TNKS: variants seen among roughly 807,000 people sequenced by gnomAD.
The protein encoded by TNKS is poly [ADP-ribose] polymerase tankyrase-1.
Under a neutral mutation model 135.8 loss-of-function variants are expected in TNKS, and 72 were observed. That is an observed-to-expected ratio of 0.53 (90% CI 0.44 to 0.64). The LOEUF (loss-of-function observed/expected upper bound fraction) is 0.64, where lower values mean the gene tolerates loss of function less well. Ranked by LOEUF, TNKS falls within the 30% of genes least tolerant of loss-of-function variation. The pLI, the probability that TNKS is intolerant of heterozygous loss-of-function variation, is 0.00. For synonymous variants in TNKS, 849 were observed against 649.3 expected, an observed-to-expected ratio of 1.31 and a Z score of -4.68; for missense variants, 1,769 against 1,674.0, an observed-to-expected ratio of 1.06 and a Z score of -0.99.
chr8:9,644,083 G>A (rs990175604), intron 3 of TNKS, among the ~76,000 whole-genome samples: 1 of 152,152 alleles, frequency 6.6e-6, no homozygotes, highest in African/African-American at 2.4e-5. Context: ...CTCAGAGACA[G>A]AAAGTAAACT....
At chr8:9,615,512 A>C in intron 2 of TNKS, 70 bp from the exon 3 acceptor site, 1 of 1,304,370 alleles carries the variant, frequency 7.7e-7, no homozygotes, top group Non-Finnish European at 1.1e-6. Context: ...CACCATGCCG[A>C]GACGACACTT....
intron 13 of TNKS, among the ~76,000 whole-genome samples, chr8:9,728,178 A>G (rs1805253339): frequency 1.3e-5 from 2 of 152,162 alleles, no homozygotes; most frequent in Admixed American, 6.5e-5. Context: ...GGCCTAATTT[A>G]TTTTGATCTG....
intron 3 of TNKS, among the ~76,000 whole-genome samples, chr8:9,674,456 GA>G (rs1802448063): frequency 6.6e-6 from 1 of 152,154 alleles, no homozygotes; most frequent in African/African-American, 2.4e-5. Flanking sequence ...AAAGAATATG[GA>G]AAATGGTTAT....
intron 3 of TNKS, among the ~76,000 whole-genome samples, chr8:9,625,253 G>A (rs535175463): frequency 6.6e-6 from 1 of 151,638 alleles, no homozygotes; most frequent in African/African-American, 2.4e-5. Flanking sequence ...GTGCCTGCAG[G>A]GTCTGTAGTA....
intron 3 of TNKS, among the ~76,000 whole-genome samples, chr8:9,674,844 T>C (rs1240267138): frequency 6.6e-6 from 1 of 152,202 alleles, no homozygotes; most frequent in Non-Finnish European, 1.5e-5. Flanking sequence ...CAACTGTGTT[T>C]AGAATGGATG....
chr8:9,777,057 T>C lies in TNKS; in HGVS notation c.*321T>C, dbSNP rs185036568. ...TGGAAAATAAGAAAACCAATGCTTT[T>C]TCAAATGTTCACAATTCACACACTA... On this transcript the variant is annotated 3_prime_UTR_variant, in exon 27 of 27. Coordinates refer to ENST00000310430, the MANE Select transcript of TNKS (RefSeq NM_003747.3). 1 of 299,074 alleles carries C rather than the reference T, an allele frequency of 3.3e-6. No homozygotes were observed. The highest frequency in any genetic ancestry group is 4.7e-5 in the Admixed American group (1 of 21,280). The allele number at this position is 299,074 out of a possible 1,614,324, so 18.5% of individuals were successfully genotyped here.
intron 3 of TNKS, among the ~76,000 whole-genome samples, chr8:9,618,755 G>A (rs927464989): frequency 3.8e-4 from 58 of 152,218 alleles, no homozygotes; most frequent in African/African-American, 1.4e-3. Context: ...GGAAAAGGAT[G>A]AAAAAGAAAA....
At chr8:9,556,792 TG>T (rs967970137) in intron 1 of TNKS, 180 bp downstream of exon 1, 30 of 375,994 alleles carry the variant, frequency 8.0e-5, no homozygotes, top group Middle Eastern at 5.5e-4. Flanking sequence ...GGGGCGTGGT[TG>T]GGGGGGATAA....
At chr8:9,694,943 A>G (rs188990086) in intron 5 of TNKS, among the ~76,000 whole-genome samples, 2 of 152,320 alleles carry the variant, frequency 1.3e-5, no homozygotes, top group East Asian at 3.9e-4. Flanking sequence ...ATGCTAGGCT[A>G]TTCTGTCTAG....
intron 3 of TNKS, among the ~76,000 whole-genome samples, chr8:9,657,305 C>A (rs1801432800): frequency 1.3e-5 from 1 of 79,426 alleles, no homozygotes; most frequent in Non-Finnish European, 2.9e-5. Flanking sequence ...GGGGCCGACC[C>A]CCCCACCTCC....
At chr8:9,626,824 G>A (rs548648867) in intron 3 of TNKS, among the ~76,000 whole-genome samples, 20 of 152,100 alleles carry the variant, frequency 1.3e-4, no homozygotes, top group East Asian at 3.9e-4. Context: ...TTTATTAATC[G>A]CAATGGCTAT....
chr8:9,712,822 C>T (rs1377450025), intron 11 of TNKS, among the ~76,000 whole-genome samples: 13 of 152,008 alleles, frequency 8.6e-5, no homozygotes, highest in African/African-American at 2.4e-4. Flanking sequence ...CCCAAGAGGT[C>T]GAGGCTGTAG....
chr8:9,557,475 C>G (rs900801900), intron 1 of TNKS: 1 of 149,424 alleles, frequency 6.7e-6, no homozygotes, highest in African/African-American at 2.5e-5. Context: ...ATAAAGAGAA[C>G]TGTAAAATAA....
chr8:9,600,618 C>CT (rs1268608788), intron 2 of TNKS, among the ~76,000 whole-genome samples: 3 of 151,952 alleles, frequency 2.0e-5, no homozygotes, highest in East Asian at 3.9e-4. Context: ...CCTGGCTGAA[C>CT]TTTTTTTTAA....
At chr8:9,718,991 T>A (rs1296216949) in intron 11 of TNKS, among the ~76,000 whole-genome samples, 1 of 152,244 alleles carries the variant, frequency 6.6e-6, no homozygotes, top group Non-Finnish European at 1.5e-5. Flanking sequence ...ATGATTAGAA[T>A]GTTCACAATT....
intron 2 of TNKS, among the ~76,000 whole-genome samples, chr8:9,580,690 A>T (rs868011778): frequency 1.3e-5 from 2 of 152,148 alleles, no homozygotes; most frequent in Non-Finnish European, 2.9e-5. Flanking sequence ...CTATCCTACC[A>T]TCAATGAGAG....
intron 3 of TNKS, among the ~76,000 whole-genome samples, chr8:9,638,711 G>C (rs1260734892): frequency 6.6e-6 from 1 of 152,140 alleles, no homozygotes; most frequent in Non-Finnish European, 1.5e-5. Context: ...AGTAAAGATA[G>C]TTTCCCTTAA....
In TNKS at chr8:9,580,366, AGATC is replaced by A; in HGVS notation, c.885_888del (p.Ile295MetfsTer45). ...CTGCATGAAGCTGCTATTAAAGGGA[AGATC>A]GATGTGTGCATTGGTAAGTATCATT... On this transcript the variant is annotated frameshift_variant, in exon 2 of 27. Transcript: ENST00000310430. LOFTEE classifies it high-confidence loss of function. 1 of 1,614,064 alleles carries A rather than the reference AGATC, an allele frequency of 6.2e-7. No homozygotes were observed. Among genetic ancestry groups the A allele is most frequent in the Non-Finnish European group, 8.5e-7 (1 of 1,179,942 alleles).
At chr8:9,727,451 C>T (rs1032016309) in intron 13 of TNKS, among the ~76,000 whole-genome samples, 44 of 152,052 alleles carry the variant, frequency 2.9e-4, no homozygotes, top group African/African-American at 9.4e-4. Flanking sequence ...TTGTTTTTTA[C>T]GAGACAAGGT....
Sources: gnomAD v4.1 joint callset for allele counts (sites outside exome capture counted in the v4.1 genomes callset) on GRCh38, gnomAD v4.1.1 for gene constraint, MANE v1.5 for transcripts, NCBI Gene and HGNC (gene_info 2026-07-23, HGNC 2026-07-21) for gene names.